The following DLGAP2 variants were observed in gnomAD, a reference collection of about 807,000 sequenced individuals.
DLGAP2 encodes the protein disks large-associated protein 2.
A neutral mutation model predicts 100.3 loss-of-function variants in DLGAP2; 26 were observed. That is an observed-to-expected ratio of 0.26 (90% CI 0.19 to 0.36). The LOEUF (loss-of-function observed/expected upper bound fraction) is 0.36, where lower values mean the gene tolerates loss of function less well. Ranked by LOEUF, DLGAP2 falls within the 10% of genes least tolerant of loss-of-function variation. The pLI, the probability that DLGAP2 is intolerant of heterozygous loss-of-function variation, is 1.00. For missense variants in DLGAP2, 1,858 were observed against 1,453.2 expected (o/e 1.28, Z -4.53); for synonymous variants, 886 against 630.1 (o/e 1.41, Z -6.08).
At chr8:1,624,774 C>T (rs1033997421) in intron 6 of DLGAP2, among the ~76,000 whole-genome samples, 3 of 151,780 alleles carry the variant, frequency 2.0e-5, no homozygotes, top group Non-Finnish European at 4.4e-5. Context: ...CGGCGGGCAT[C>T]GATGTGAAGA....
At chr8:1,699,139 C>G (rs1799498435) in intron 14 of DLGAP2, among the ~76,000 whole-genome samples, 1 of 152,216 alleles carries the variant, frequency 6.6e-6, no homozygotes, top group African/African-American at 2.4e-5. Context: ...ATGGTTCCGT[C>G]TAGTCTCCAT....
At chr8:1,618,598 T>C (rs1008790573) in intron 6 of DLGAP2, among the ~76,000 whole-genome samples, 2 of 152,222 alleles carry the variant, frequency 1.3e-5, no homozygotes, top group Non-Finnish European at 2.9e-5. Context: ...CAAGACAGTC[T>C]TGATAAAAAA....
chr8:1,365,105 C>G (rs973478735), intron 3 of DLGAP2, among the ~76,000 whole-genome samples: 3 of 152,196 alleles, frequency 2.0e-5, no homozygotes, highest in Admixed American at 6.5e-5. Flanking sequence ...AAAGTAGATG[C>G]TCTACGAAGC....
intron 2 of DLGAP2, among the ~76,000 whole-genome samples, chr8:1,121,408 T>C (rs543841692): frequency 1.0e-4 from 13 of 127,096 alleles, no homozygotes; most frequent in African/African-American, 3.6e-4. Context: ...ACCCATCCTC[T>C]TCCCTTCAGA....
At chr8:1,051,364 C>G (rs984449538) in intron 2 of DLGAP2, among the ~76,000 whole-genome samples, 2 of 152,096 alleles carry the variant, frequency 1.3e-5, no homozygotes, top group African/African-American at 4.8e-5. Flanking sequence ...CATACAAGAT[C>G]GTTTTACCCT....
At chr8:1,543,811 A>G (rs1006319208) in intron 4 of DLGAP2, among the ~76,000 whole-genome samples, 1 of 152,220 alleles carries the variant, frequency 6.6e-6, no homozygotes, top group African/African-American at 2.4e-5. Context: ...ATCTATGAAC[A>G]TAGGATGTCT....
At chr8:1,562,669 T>C (rs1471342973) in intron 5 of DLGAP2, among the ~76,000 whole-genome samples, 2 of 50,588 alleles carry the variant, frequency 4.0e-5, no homozygotes, top group Non-Finnish European at 7.2e-5. Context: ...TGTGTGGTGT[T>C]GGGGTGTCCG....
At chr8:1,308,462 G>A (rs559515842) in intron 3 of DLGAP2, among the ~76,000 whole-genome samples, 1 of 152,268 alleles carries the variant, frequency 6.6e-6, no homozygotes, top group South Asian at 2.1e-4. Context: ...TCAACAAAAT[G>A]ACTAAAAGAC....
chr8:829,047 G>A (rs1200219832), intron 1 of DLGAP2, among the ~76,000 whole-genome samples: 1 of 152,162 alleles, frequency 6.6e-6, no homozygotes, highest in Non-Finnish European at 1.5e-5. Context: ...TGACAAACCT[G>A]ATTTTTTTAA....
At chr8:803,612 T>C (rs2132659908) in intron 1 of DLGAP2, among the ~76,000 whole-genome samples, 1 of 151,688 alleles carries the variant, frequency 6.6e-6, no homozygotes, top group South Asian at 2.1e-4. Flanking sequence ...TTTAAGTTAG[T>C]TGTGGGTTCA....
intron 3 of DLGAP2, among the ~76,000 whole-genome samples, chr8:1,390,455 G>A (rs1167880893): frequency 6.6e-6 from 1 of 152,156 alleles, no homozygotes; most frequent in Non-Finnish European, 1.5e-5. Flanking sequence ...GAACATCAGG[G>A]TTAGTTCCAG....
intron 3 of DLGAP2, among the ~76,000 whole-genome samples, chr8:1,334,707 A>T (rs1267110411): frequency 6.6e-6 from 1 of 152,158 alleles, no homozygotes. Flanking sequence ...CCTCCACAGC[A>T]GCCAGGCCGT....
chr8:1,043,876 T>C (rs1227199208), intron 2 of DLGAP2, among the ~76,000 whole-genome samples: 1 of 152,052 alleles, frequency 6.6e-6, no homozygotes. Flanking sequence ...CAAGCGTGCC[T>C]CGCTGCTGGG....
chr8:815,432 T>C (rs1277977140), intron 1 of DLGAP2, among the ~76,000 whole-genome samples: 1 of 152,306 alleles, frequency 6.6e-6, no homozygotes, highest in South Asian at 2.1e-4. Context: ...ACCATCACAG[T>C]GGTCAGTCAG....
At chr8:1,012,076 C>T (rs1354632763) in intron 2 of DLGAP2, among the ~76,000 whole-genome samples, 6 of 152,152 alleles carry the variant, frequency 3.9e-5, no homozygotes, top group Non-Finnish European at 7.4e-5. Flanking sequence ...ACATGCATGG[C>T]CCGTGTCGCA....
chr8:848,781 G>GTCGTGCGGTGCGTGTTCCAGTGTAGGA (rs1797117736), intron 1 of DLGAP2, among the ~76,000 whole-genome samples: 2 of 148,266 alleles, frequency 1.3e-5, no homozygotes, highest in Non-Finnish European at 3.0e-5. Flanking sequence ...CCAGTGTAGG[G>GTCGTGCGGTGCGTGTTCCAGTGTAGGA]TCGTGCGGTG....
At chr8:1,066,001 G>A (rs542613458) in intron 2 of DLGAP2, among the ~76,000 whole-genome samples, 20 of 152,360 alleles carry the variant, frequency 1.3e-4, no homozygotes, top group East Asian at 9.7e-4. Context: ...GCCACGTCGT[G>A]GTGGTGTCCA....
At chr8:1,123,543 T>G (rs1796097103) in intron 2 of DLGAP2, among the ~76,000 whole-genome samples, 1 of 152,312 alleles carries the variant, frequency 6.6e-6, no homozygotes, top group African/African-American at 2.4e-5. Context: ...ATCATTACAG[T>G]GTCAGATGTT....
intron 2 of DLGAP2, among the ~76,000 whole-genome samples, chr8:1,100,321 C>T (rs563258940): frequency 1.3e-5 from 2 of 152,016 alleles, no homozygotes; most frequent in African/African-American, 2.4e-5. Flanking sequence ...AACCTTTGTC[C>T]AGCATGTCCA....
Sources: gnomAD v4.1 joint callset for allele counts (sites outside exome capture counted in the v4.1 genomes callset) on GRCh38, gnomAD v4.1.1 for gene constraint, MANE v1.5 for transcripts, NCBI Gene and HGNC (gene_info 2026-07-23, HGNC 2026-07-21) for gene names.